TAOK3: variants seen among roughly 807,000 people sequenced by gnomAD.
TAOK3 encodes TAO kinase 3.
Under a neutral mutation model 120.4 loss-of-function variants are expected in TAOK3, and 40 were observed. The observed-to-expected ratio is 0.33, with a 90% CI of 0.26 to 0.43. The LOEUF is 0.43. TAOK3 is among the 20% of genes least tolerant of loss of function. The pLI is 1.00. For missense variants in TAOK3, 821 were observed against 1,112.1 expected (o/e 0.74, Z 3.72); for synonymous variants, 355 against 387.5 (o/e 0.92, Z 0.99).
At chr12:118,163,448 T>TGTG (rs2035355593) in intron 17 of TAOK3, among the ~76,000 whole-genome samples, 1 of 123,852 alleles carries the variant, frequency 8.1e-6, no homozygotes, top group African/African-American at 3.0e-5. Context: ...ACTTTTTTTT[T>TGTG]GGGGGGGGTG....
At chr12:118,260,251 C>A (rs553788352) in intron 2 of TAOK3, among the ~76,000 whole-genome samples, 1 of 152,254 alleles carries the variant, frequency 6.6e-6, no homozygotes, top group Admixed American at 6.5e-5. Context: ...GGCTCTGCCT[C>A]CCAAAGTGCT....
At chr12:118,217,288 A>C (rs777056087) in intron 9 of TAOK3, among the ~76,000 whole-genome samples, 28 of 152,324 alleles carry the variant, frequency 1.8e-4, no homozygotes, top group Non-Finnish European at 4.0e-4. Context: ...GTAAACTTTA[A>C]GTCATTTAGT....
intron 9 of TAOK3, among the ~76,000 whole-genome samples, chr12:118,219,675 G>A (rs1318605952): frequency 6.6e-6 from 1 of 151,248 alleles, no homozygotes; most frequent in African/African-American, 2.4e-5. Flanking sequence ...GCTCACTGCA[G>A]CCTTGACCTC....
At position 118,371,336 on chromosome 12, in the gene TAOK3, C is replaced by A. The variant is rs1212185305; in HGVS notation, c.-194+1312G>T. On this transcript the variant is annotated intron_variant, in intron 1 of 20. Coordinates refer to ENST00000392533, the MANE Select transcript of TAOK3 (RefSeq NM_016281.4). The surrounding 1 kb of genome is among the most constrained non-coding windows in gnomAD (Gnocchi z 5.5). ...TTTTCATTAAGATCAGGAAGCCCCTCGCTTTCAAGACATCCACATCAGACT... is the reference window on the plus strand; with the variant it reads ...TTTTCATTAAGATCAGGAAGCCCCTAGCTTTCAAGACATCCACATCAGACT... Among the ~76,000 whole-genome samples, 2 of 152,172 alleles carry A rather than the reference C, an allele frequency of 1.3e-5. No homozygotes were observed. Among genetic ancestry groups the A allele is most frequent in the African/African-American group, 4.8e-5 (2 of 41,450 alleles).
chr12:118,277,641 A>G (rs1408719479), intron 1 of TAOK3, among the ~76,000 whole-genome samples: 1 of 151,832 alleles, frequency 6.6e-6, no homozygotes, highest in Non-Finnish European at 1.5e-5. Context: ...TTGAATTTTT[A>G]GTAGAGACAA....
chr12:118,297,934 C>T (rs114945187), intron 1 of TAOK3, among the ~76,000 whole-genome samples: 2,113 of 152,180 alleles, frequency 0.014, 53 homozygotes, highest in African/African-American at 0.048. Flanking sequence ...CACGCACCAC[C>T]ACAACCAGCT....
intron 1 of TAOK3, among the ~76,000 whole-genome samples, chr12:118,282,548 A>G (rs994002757): frequency 2.6e-5 from 4 of 152,246 alleles, no homozygotes; most frequent in African/African-American, 7.2e-5. Context: ...GTTGCAAATA[A>G]TAGAAACCAA....
chr12:118,223,608 A>C (rs1235745921), intron 9 of TAOK3, among the ~76,000 whole-genome samples: 1 of 149,656 alleles, frequency 6.7e-6, no homozygotes, highest in Non-Finnish European at 1.5e-5. Context: ...GGCCTCCCAA[A>C]GTGTTGGGAT....
chr12:118,162,440 T>C (rs762786149), intron 17 of TAOK3, among the ~76,000 whole-genome samples: 4 of 152,168 alleles, frequency 2.6e-5, no homozygotes, highest in Non-Finnish European at 5.9e-5. Flanking sequence ...AAACATAAGA[T>C]GCTTGAATCT....
intron 1 of TAOK3, among the ~76,000 whole-genome samples, chr12:118,296,266 G>A (rs1477829558): frequency 6.6e-6 from 1 of 152,050 alleles, no homozygotes; most frequent in East Asian, 1.9e-4. Context: ...TGAGTAGCTG[G>A]GATTACAGGC....
chr12:118,299,828 T>A (rs1034126209), intron 1 of TAOK3, among the ~76,000 whole-genome samples: 13 of 152,136 alleles, frequency 8.5e-5, no homozygotes, highest in Admixed American at 7.2e-4. Context: ...TTATTTTATT[T>A]TTTTTTTTAA....
intron 9 of TAOK3, among the ~76,000 whole-genome samples, chr12:118,226,547 A>AG (rs2039518053): frequency 1.3e-5 from 2 of 152,136 alleles, no homozygotes; most frequent in South Asian, 4.1e-4. Context: ...AAAAAAAAAA[A>AG]AAAATTTACA....
chr12:118,171,437 A>G (rs2035988204), intron 17 of TAOK3, among the ~76,000 whole-genome samples: 1 of 152,098 alleles, frequency 6.6e-6, no homozygotes, highest in Non-Finnish European at 1.5e-5. Flanking sequence ...GCTCACTGTA[A>G]CCTCTGCCTC....
At chr12:118,263,426 G>T (rs1396628145) in intron 2 of TAOK3, among the ~76,000 whole-genome samples, 1 of 152,088 alleles carries the variant, frequency 6.6e-6, no homozygotes, top group Non-Finnish European at 1.5e-5. Flanking sequence ...GTGACCCCAG[G>T]TTAGTTAAAA....
rs201481032 is a variant in TAOK3 at position 118,150,956 on chromosome 12, CT to C, written c.*40del. 0.16 allele frequency: 190,028 copies of C among 1,190,864 alleles called. 31 individuals are homozygous for C. Among genetic ancestry groups the C allele is most frequent in the Non-Finnish European group, 0.18 (156,667 of 891,214 alleles). 73.8% of individuals were successfully genotyped at this position (1,190,864 alleles called of 1,614,324 possible). ...CAGGGTCTGAATTTTTTTCTGTTTT[CT>C]TTTTTTTTTTTTTTTTTGTAAATGG... On this transcript the variant is annotated 3_prime_UTR_variant, in exon 21 of 21. Coordinates refer to ENST00000392533, the MANE Select transcript of TAOK3 (RefSeq NM_016281.4).
intron 1 of TAOK3, among the ~76,000 whole-genome samples, chr12:118,331,645 CAAAAAA>C (rs57291591): frequency 0.043 from 2,061 of 48,012 alleles, 49 homozygotes; most frequent in African/African-American, 0.12. Flanking sequence ...ACTCTTATCT[CAAAAAA>C]AAAAAAAAAA....
intron 14 of TAOK3, among the ~76,000 whole-genome samples, chr12:118,189,550 A>T (rs1246299826): frequency 9.1e-6 from 1 of 110,108 alleles, no homozygotes; most frequent in African/African-American, 3.3e-5. Flanking sequence ...ACACACACAC[A>T]CACACACACA....
rs181567307 is a variant in TAOK3, at chr12:118,360,358, G to A, written c.-194+12290C>T. 7.4e-4 allele frequency among the ~76,000 whole-genome samples: 113 copies of A among 151,892 alleles called. 2 individuals carry two copies. Among genetic ancestry groups the A allele is most frequent in the Admixed American group, 7.2e-3 (110 of 15,268 alleles). Reference sequence around the variant, plus strand: ...TGAGGCAGGCGGATCACGAGGTCAGGAGATCGACACCATCCTGGCTAACAT... The same window carrying A: ...TGAGGCAGGCGGATCACGAGGTCAGAAGATCGACACCATCCTGGCTAACAT... On this transcript the variant is annotated intron_variant, in intron 1 of 20. Coordinates refer to ENST00000392533, the MANE Select transcript of TAOK3 (RefSeq NM_016281.4).
At chr12:118,251,639 G>A (rs1472347008) in intron 3 of TAOK3, among the ~76,000 whole-genome samples, 1 of 152,026 alleles carries the variant, frequency 6.6e-6, no homozygotes, top group East Asian at 1.9e-4. Context: ...CTTCAAAAAC[G>A]CACACACTCT....
Sources: allele counts gnomAD v4.1 joint callset (sites outside exome capture counted in the v4.1 genomes callset), GRCh38; gene constraint gnomAD v4.1.1; non-coding constraint Gnocchi (gnomAD v3.1); transcripts MANE v1.5; gene names NCBI Gene and HGNC (gene_info 2026-07-23, HGNC 2026-07-21).